The following CLCA2 variants were observed in gnomAD, a reference collection of about 807,000 sequenced individuals.
The protein encoded by CLCA2 is chloride channel accessory 2.
CLCA2 carries 85 observed loss-of-function variants against 82.9 expected under a neutral mutation model. The observed-to-expected ratio is 1.03, with a 90% CI of 0.86 to 1.23. The LOEUF is 1.23. CLCA2 is among the 50% of genes most tolerant of loss of function. The pLI, the probability that CLCA2 is intolerant of heterozygous loss-of-function variation, is 0.00. For synonymous variants in CLCA2, 421 were observed against 391.7 expected (o/e 1.07, Z -0.88); for missense variants, 1,089 against 1,124.8 (o/e 0.97, Z 0.45).
At position 86,430,903 on chromosome 1, in the gene CLCA2, G is replaced by T. The variant is rs1224455568; in HGVS notation, c.517G>T (p.Val173Leu). The change falls in exon 4 of 14, where the codon GTG becomes TTG. Residue 173 changes from valine to leucine, a missense_variant. Transcript: ENST00000370565. ...VHEWAHLRWG[V>L]FDEYNNDKPF... Reference sequence around the variant, plus strand: ...TGAATGGGCCCACCTCCGTTGGGGTGTGTTCGATGAGTATAACAATGACAA... The same window carrying T: ...TGAATGGGCCCACCTCCGTTGGGGTTTGTTCGATGAGTATAACAATGACAA... The T allele has an allele frequency of 6.2e-7, 1 of 1,613,916 alleles. No homozygotes were observed. Among genetic ancestry groups the T allele is most frequent in the East Asian group, 2.2e-5 (1 of 44,874 alleles).
chr1:86,429,951 A>T (rs1221102270), intron 3 of CLCA2, among the ~76,000 whole-genome samples: 1 of 152,134 alleles, frequency 6.6e-6, no homozygotes, highest in Non-Finnish European at 1.5e-5. Context: ...AGCACTTCTA[A>T]ATTTCATGAG....
Position 86,434,765 on chromosome 1 carries a change from T to C in CLCA2, c.972+20T>C. On this transcript the variant is annotated intron_variant, in intron 6 of 13. Coordinates refer to ENST00000370565, the MANE Select transcript of CLCA2 (RefSeq NM_006536.7). ...GCAGAGGTAACATTTTGAACGAAAATGAATGTAAACATTTATCATTTTTTC... is the reference window on the plus strand; with the variant it reads ...GCAGAGGTAACATTTTGAACGAAAACGAATGTAAACATTTATCATTTTTTC... 6.5e-7 allele frequency: 1 copy of C among 1,531,788 alleles called. No homozygotes were observed. The allele number at this position is 1,531,788 out of a possible 1,614,324, so 94.9% of individuals were successfully genotyped here.
chr1:86,441,629 C>A, intron 9 of CLCA2, 86 bp downstream of exon 9: 1 of 816,304 alleles, frequency 1.2e-6, no homozygotes, highest in Non-Finnish European at 2.0e-6. Flanking sequence ...GTGCTACCTG[C>A]TTCATTAACC....
chr1:86,436,662 T>C (rs1482023985), intron 6 of CLCA2, among the ~76,000 whole-genome samples: 3 of 152,192 alleles, frequency 2.0e-5, no homozygotes, highest in Admixed American at 1.3e-4. Context: ...ATTTGAATAA[T>C]TTTGTTATGT....
At chr1:86,436,657 A>T (rs1199334206) in intron 6 of CLCA2, among the ~76,000 whole-genome samples, 1 of 152,172 alleles carries the variant, frequency 6.6e-6, no homozygotes, top group Non-Finnish European at 1.5e-5. Context: ...CCAGCATTTG[A>T]ATAATTTTGT....
At chr1:86,444,174 AG>A (rs1558114754) in intron 10 of CLCA2, among the ~76,000 whole-genome samples, 163 bp downstream of exon 10, 1 of 152,248 alleles carries the variant, frequency 6.6e-6, no homozygotes, top group Non-Finnish European at 1.5e-5. Flanking sequence ...AAAATTTAAG[AG>A]GAATAACTAA....
chr1:86,453,509 C>G lies in CLCA2; in HGVS notation c.2296C>G (p.Pro766Ala). 6 of 1,614,096 alleles carry G rather than the reference C, an allele frequency of 3.7e-6. No individual in the cohort carries two copies. Among genetic ancestry groups the G allele is most frequent in the Non-Finnish European group, 4.2e-6 (5 of 1,180,004 alleles). The stretch of plus-strand genomic sequence containing the variant: ...TGGCCCCCACCCTGATGTGTTTCCA[C>G]CATGCAAAATTATTGACCTGGAAGC... Reference protein sequence around the residue: ...PAGPHPDVFPPCKIIDLEAVK... With the variant: ...PAGPHPDVFPACKIIDLEAVK... The change falls in exon 13 of 14, where the codon CCA (proline) becomes GCA (alanine). Residue 766 changes from proline to alanine, a missense_variant. Transcript: ENST00000370565.
chr1:86,450,807 G>T (rs963508800), intron 12 of CLCA2, 74 bp downstream of exon 12: 1 of 1,292,340 alleles, frequency 7.7e-7, no homozygotes, highest in Non-Finnish European at 1.0e-6. Flanking sequence ...GTGTGTACTG[G>T]GGTGGCAGGG....
intron 2 of CLCA2, among the ~76,000 whole-genome samples, chr1:86,426,719 TA>T (rs1479590426): frequency 6.6e-6 from 1 of 152,206 alleles, no homozygotes; most frequent in East Asian, 1.9e-4. Context: ...TAACAGCTAG[TA>T]AATTACAGAG....
intron 10 of CLCA2, 95 bp from the exon 11 acceptor site, chr1:86,447,413 C>T: frequency 3.7e-6 from 5 of 1,365,536 alleles, no homozygotes; most frequent in Non-Finnish European, 4.0e-6. Context: ...ATCAACAAAA[C>T]AAGAGCAAAA....
chr1:86,438,840 A>G (rs1662663565), intron 6 of CLCA2, 36 bp from the exon 7 acceptor site: 3 of 1,583,756 alleles, frequency 1.9e-6, no homozygotes, highest in Non-Finnish European at 2.6e-6. Flanking sequence ...TACTAACCAA[A>G]TGTTGCCATT....
intron 4 of CLCA2, among the ~76,000 whole-genome samples, chr1:86,431,986 A>C (rs1662508412): frequency 6.6e-6 from 1 of 152,090 alleles, no homozygotes; most frequent in Admixed American, 6.6e-5. Context: ...CCCAGGCTGG[A>C]GTGCAATGGC....
chr1:86,453,246 C>A, intron 12 of CLCA2, 123 bp from the exon 13 acceptor site: 1 of 641,876 alleles, frequency 1.6e-6, no homozygotes, highest in Non-Finnish European at 2.7e-6. Context: ...TACAAATACA[C>A]TCAGTTATTC....
chr1:86,447,325 T>G (rs1224252444), intron 10 of CLCA2, among the ~76,000 whole-genome samples, 183 bp from the exon 11 acceptor site: 1 of 152,222 alleles, frequency 6.6e-6, no homozygotes. Context: ...ATGAAAGCCA[T>G]GTAAATACAA....
At chr1:86,447,132 GA>G (rs2101708969) in intron 10 of CLCA2, among the ~76,000 whole-genome samples, 1 of 152,232 alleles carries the variant, frequency 6.6e-6, no homozygotes, top group South Asian at 2.1e-4. Flanking sequence ...GAAAAGAAAT[GA>G]AAAACATTTA....
At chr1:86,445,351 T>C (rs1662827218) in intron 10 of CLCA2, 1 of 147,234 alleles carries the variant, frequency 6.8e-6, no homozygotes, top group South Asian at 2.2e-4. Flanking sequence ...AATCCAAGTG[T>C]TAACCTTTTT....
At chr1:86,449,436 T>G (rs1470711407) in intron 11 of CLCA2, among the ~76,000 whole-genome samples, 2 of 152,208 alleles carry the variant, frequency 1.3e-5, no homozygotes, top group African/African-American at 4.8e-5. Flanking sequence ...CAGTGGTGAC[T>G]TTAATATGGA....
Position 86,455,699 on chromosome 1 carries a change from A to C in CLCA2, c.*172A>C, listed in dbSNP as rs887819807. ...ATCAACAAATTCTTTTTGGGGGTAGATTAGAAAACCCTTACACTTTGGCTA... is the reference window on the plus strand; with the variant it reads ...ATCAACAAATTCTTTTTGGGGGTAGCTTAGAAAACCCTTACACTTTGGCTA... On this transcript the variant is annotated 3_prime_UTR_variant, in exon 14 of 14. Coordinates refer to ENST00000370565, the MANE Select transcript of CLCA2 (RefSeq NM_006536.7). The C allele has an allele frequency of 1.8e-5, 7 of 394,822 alleles. No homozygotes were observed. The highest frequency in any genetic ancestry group is 1.3e-3 in the Middle Eastern group (2 of 1,522). 24.5% of individuals were successfully genotyped at this position (394,822 alleles called of 1,614,324 possible).
chr1:86,433,155 T>C (rs532069445), intron 5 of CLCA2, among the ~76,000 whole-genome samples: 27 of 152,354 alleles, frequency 1.8e-4, no homozygotes, highest in African/African-American at 6.3e-4. Flanking sequence ...TGAAGCAGCC[T>C]GGAACAGCCA....
Sources: gnomAD v4.1 joint callset for allele counts (sites outside exome capture counted in the v4.1 genomes callset) on GRCh38, gnomAD v4.1.1 for gene constraint, MANE v1.5 for transcripts, NCBI Gene and HGNC (gene_info 2026-07-23, HGNC 2026-07-21) for gene names.